LAMA2: variants seen among roughly 807,000 people sequenced by gnomAD.
The protein encoded by LAMA2 is laminin subunit alpha-2.
LAMA2 carries 269 observed loss-of-function variants against 364.8 expected under a neutral mutation model. The ratio of observed to expected loss-of-function variants is 0.74; its 90% CI spans 0.67 to 0.82. LAMA2 has a LOEUF of 0.82. Ranked by LOEUF, LAMA2 falls within the 40% of genes least tolerant of loss-of-function variation. The probability of loss-of-function intolerance (pLI) is 0.00; values close to 1 mark genes in which losing one functional copy is unlikely to be tolerated. For missense variants in LAMA2, 3,807 were observed against 3,873.2 expected (o/e 0.98, Z 0.45); for synonymous variants, 1,379 against 1,370.6 (o/e 1.01, Z -0.14).
At chr6:129,183,128 T>TAA (rs762551068) in intron 10 of LAMA2, among the ~76,000 whole-genome samples, 4 of 151,974 alleles carry the variant, frequency 2.6e-5, no homozygotes, top group Non-Finnish European at 5.9e-5. Context: ...TTTGCATTGT[T>TAA]AAAAATGTTG....
chr6:129,117,742 C>G (rs2114912824), intron 4 of LAMA2, among the ~76,000 whole-genome samples: 2 of 152,290 alleles, frequency 1.3e-5, no homozygotes, highest in Admixed American at 1.3e-4. Flanking sequence ...TGCCTTGCAT[C>G]TTGTAACTCA....
intron 1 of LAMA2, among the ~76,000 whole-genome samples, chr6:129,036,633 AAAAAAAAAAAGAAG>A (rs1786658594): frequency 6.8e-6 from 1 of 146,230 alleles, no homozygotes; most frequent in Non-Finnish European, 1.5e-5. Flanking sequence ...TTTTCTGATT[AAAAAAAAAAAGAAG>A]AAGAAGAAAA....
chr6:129,271,978 C>A (rs1364432431), intron 17 of LAMA2, among the ~76,000 whole-genome samples: 1 of 152,164 alleles, frequency 6.6e-6, no homozygotes, highest in African/African-American at 2.4e-5. Flanking sequence ...CTCCTTGAAA[C>A]TGTGCTTCCT....
chr6:129,061,742 A>G (rs1337489862), intron 3 of LAMA2, among the ~76,000 whole-genome samples: 1 of 152,192 alleles, frequency 6.6e-6, no homozygotes. Flanking sequence ...TGCTTCATTC[A>G]TCATAACAAA....
At chr6:129,057,720 A>G (rs920077012) in intron 2 of LAMA2, among the ~76,000 whole-genome samples, 5 of 152,154 alleles carry the variant, frequency 3.3e-5, no homozygotes, top group Non-Finnish European at 4.4e-5. Flanking sequence ...AATATCAGCT[A>G]CCCGTGTGCC....
At chr6:129,322,984 C>G (rs1775059514) in intron 28 of LAMA2, among the ~76,000 whole-genome samples, 1 of 152,168 alleles carries the variant, frequency 6.6e-6, no homozygotes, top group South Asian at 2.1e-4. Flanking sequence ...GCATTAGTGG[C>G]TTCACCGTCC....
At chr6:128,898,983 G>A (rs1426231984) in intron 1 of LAMA2, among the ~76,000 whole-genome samples, 1 of 151,984 alleles carries the variant, frequency 6.6e-6, no homozygotes, top group Non-Finnish European at 1.5e-5. Context: ...CTCTTACAGA[G>A]GCCTTTCCAG....
chr6:129,158,586 T>C lies in LAMA2; in HGVS notation c.1206+3903T>C, dbSNP rs553993135. ...ACGTCTGCTTGAGATGCTCTTGCAA[T>C]AATGTTTGTAACAAAAGCAGCTGGA... On this transcript the variant is annotated intron_variant, in intron 8 of 64. Coordinates refer to ENST00000421865, the MANE Select transcript of LAMA2 (RefSeq NM_000426.4). 9.9e-6 allele frequency: 16 copies of C among 1,613,980 alleles called. No homozygotes were observed. The African/African-American group carries it at 2.0e-4, about 20-fold the overall frequency.
Position 129,294,838 on chromosome 6 carries a change from A to G in LAMA2, c.2857-2847A>G, listed in dbSNP as rs565164608. 6.6e-5 allele frequency among the ~76,000 whole-genome samples: 10 copies of G among 152,340 alleles called. No homozygotes were observed. In the East Asian group the frequency reaches 1.9e-3, roughly 29 times the overall value. ...TTTTTAGTAAATGTTAGGCCTGATTACTATTATTATTACCAATGTTGTTAA... is the reference window on the plus strand; with the variant it reads ...TTTTTAGTAAATGTTAGGCCTGATTGCTATTATTATTACCAATGTTGTTAA... On this transcript the variant is annotated intron_variant, in intron 20 of 64. Coordinates refer to ENST00000421865, the MANE Select transcript of LAMA2 (RefSeq NM_000426.4).
At chr6:129,283,480 G>A (rs1443225741) in intron 18 of LAMA2, among the ~76,000 whole-genome samples, 1 of 151,586 alleles carries the variant, frequency 6.6e-6, no homozygotes, top group African/African-American at 2.4e-5. Context: ...AAACTTAATG[G>A]GATACATAGA....
rs1775429453 is a variant in LAMA2, at chr6:129,328,375, A to G, written c.4274A>G (p.His1425Arg). The G allele has an allele frequency of 2.5e-6, 4 of 1,614,210 alleles. No homozygotes were observed. Among genetic ancestry groups the G allele is most frequent in the African/African-American group, 2.7e-5 (2 of 75,058 alleles). Reference protein sequence around the residue: ...GTCVPCQCNGHSSLCDPETSI... With the variant: ...GTCVPCQCNGRSSLCDPETSI... Reference sequence around the variant, plus strand: ...TGTGTTCCATGTCAATGTAATGGACACAGCAGCCTGTGTGACCCTGAAACA... The same window carrying G: ...TGTGTTCCATGTCAATGTAATGGACGCAGCAGCCTGTGTGACCCTGAAACA... Residue 1425 changes from histidine to arginine, a missense_variant, in exon 29 of 65, where the codon CAC (histidine) becomes CGC (arginine). Physicochemically the swap from His to Arg is conservative, Grantham distance 29. Transcript: ENST00000421865.
intron 17 of LAMA2, among the ~76,000 whole-genome samples, chr6:129,274,441 G>T (rs1180696013): frequency 6.6e-6 from 1 of 151,424 alleles, no homozygotes. Flanking sequence ...GGAGCTAAAG[G>T]TTGACGCAAC....
At chr6:129,227,126 C>T (rs1357591127) in intron 12 of LAMA2, among the ~76,000 whole-genome samples, 1 of 152,214 alleles carries the variant, frequency 6.6e-6, no homozygotes, top group African/African-American at 2.4e-5. Flanking sequence ...ATCGAATCAG[C>T]TCCTGAGGCT....
chr6:129,198,324 A>G (rs1012470585), intron 12 of LAMA2, among the ~76,000 whole-genome samples: 2 of 152,104 alleles, frequency 1.3e-5, no homozygotes, highest in Non-Finnish European at 2.9e-5. Flanking sequence ...GTCATCAGCT[A>G]ATAAACCAAG....
intron 12 of LAMA2, among the ~76,000 whole-genome samples, chr6:129,197,991 A>G (rs1035715082): frequency 3.9e-5 from 6 of 152,144 alleles, no homozygotes; most frequent in African/African-American, 1.4e-4. Context: ...ACAGTGTTTT[A>G]CATTTTGTTT....
At chr6:129,454,908 A>G (rs1444833073) in intron 47 of LAMA2, among the ~76,000 whole-genome samples, 1 of 152,156 alleles carries the variant, frequency 6.6e-6, no homozygotes, top group Non-Finnish European at 1.5e-5. Context: ...ACTCCCTGTT[A>G]AACCCAAAGC....
At chr6:129,509,190 A>AAAT (rs1786360013) in intron 62 of LAMA2, among the ~76,000 whole-genome samples, 2 of 152,178 alleles carry the variant, frequency 1.3e-5, no homozygotes, top group African/African-American at 4.8e-5. Flanking sequence ...ACCCATTTTT[A>AAAT]AATAGGATTA....
In LAMA2 at chr6:129,438,675, A is replaced by G. The variant is rs1169353139; in HGVS notation, c.5998A>G (p.Thr2000Ala). 2 of 1,607,172 alleles carry G rather than the reference A, an allele frequency of 1.2e-6. No homozygotes were observed. The highest frequency in any genetic ancestry group is 2.2e-5 in the East Asian group (1 of 44,722). Residue 2000 changes from threonine to alanine, a missense_variant, in exon 42 of 65, where the codon ACC becomes GCC. This residue lies in a region of LAMA2 where 3,333 missense variants were observed against 3,345.7 expected (regional missense o/e 1.00). Coordinates refer to ENST00000421865, the MANE Select transcript of LAMA2 (RefSeq NM_000426.4). ...TGAAGACCATCTAAATGGCTTAAAA[A>G]CCAGGATAGAAAATGCTGATGCTAG... ...ENEDHLNGLK[T>A]RIENADARNG...
chr6:128,974,853 A>ATTT (rs34727721), intron 1 of LAMA2, among the ~76,000 whole-genome samples: 3,315 of 143,126 alleles, frequency 0.023, 140 homozygotes, highest in African/African-American at 0.079. Context: ...ATGAGTAACA[A>ATTT]TTTTTTTTTT....
Sources: gnomAD v4.1 joint callset for allele counts (sites outside exome capture counted in the v4.1 genomes callset) on GRCh38, gnomAD v4.1.1 for gene constraint, gnomAD v4.1.1 regional missense constraint, MANE v1.5 for transcripts, NCBI Gene and HGNC (gene_info 2026-07-23, HGNC 2026-07-21) for gene names.